TJP1: variants seen among roughly 807,000 people sequenced by gnomAD.
The protein encoded by TJP1 is tight junction protein ZO-1.
A neutral mutation model predicts 194.2 loss-of-function variants in TJP1; 43 were observed. The ratio of observed to expected loss-of-function variants is 0.22; its 90% CI spans 0.17 to 0.29. The LOEUF (loss-of-function observed/expected upper bound fraction) is 0.29. Ranked by LOEUF, TJP1 falls within the 10% of genes least tolerant of loss-of-function variation. The pLI is 1.00. For missense variants in TJP1, 1,971 were observed against 2,185.7 expected (o/e 0.90, Z 1.96); for synonymous variants, 801 against 779.0 (o/e 1.03, Z -0.47).
At chr15:29,876,463 G>A (rs1315705354) in intron 2 of TJP1, among the ~76,000 whole-genome samples, 7 of 151,980 alleles carry the variant, frequency 4.6e-5, no homozygotes, top group Non-Finnish European at 8.8e-5. Context: ...GGAGGTTGCA[G>A]TGAGCCAAGC....
chr15:29,869,795 CTTTTTTTTTTTTTTTTTT>C (rs11318770), intron 2 of TJP1, among the ~76,000 whole-genome samples: 11 of 56,062 alleles, frequency 2.0e-4, no homozygotes, highest in Non-Finnish European at 3.5e-4. Context: ...TTCTTTCTTT[CTTTTTTTTTTTTTTTTTT>C]TTTTTTTTTT....
At position 29,832,918 on chromosome 15, in the gene TJP1, C is replaced by T. The variant is rs140846718; in HGVS notation, c.307-32216G>A. ...AAGTGGCCAGTGTGTGGAGAGAACACACATCCCTGTGAGAGGCCGCCTAGC... is the reference window on the plus strand; with the variant it reads ...AAGTGGCCAGTGTGTGGAGAGAACATACATCCCTGTGAGAGGCCGCCTAGC... On this transcript the variant is annotated intron_variant, in intron 2 of 28. Coordinates refer to the TJP1 transcript ENST00000356107. 8.3e-4 allele frequency among the ~76,000 whole-genome samples: 126 copies of T among 152,306 alleles called. 1 individual carries two copies. In the East Asian group the frequency reaches 0.021, roughly 25 times the overall value.
At chr15:29,704,419 C>T (rs952649890) in intron 26 of TJP1, 114 bp from the exon 27 acceptor site, 49 of 1,324,602 alleles carry the variant, frequency 3.7e-5, no homozygotes, top group Middle Eastern at 2.1e-4. Context: ...GGAGTTAGTT[C>T]TCTACAGTCG....
At position 29,704,261 on chromosome 15, in the gene TJP1, G is replaced by A. The variant is rs779424333; in HGVS notation, c.5113C>T (p.Leu1705Phe). The A allele has an allele frequency of 1.3e-5, 20 of 1,599,088 alleles. No homozygotes were observed. The highest frequency in any genetic ancestry group is 1.7e-5 in the Non-Finnish European group (20 of 1,173,110). ...SPLVMCGPHGLKFLKPVELRL... is the reference protein window; with the variant it reads ...SPLVMCGPHGFKFLKPVELRL... The stretch of plus-strand genomic sequence containing the variant: ...AGCTCCACAGGCTTCAGGAACTTGA[G>A]GCCATGGGGACCACACATCACCAAA... The change falls in exon 27 of 28, where the codon CTC (leucine) becomes TTC (phenylalanine). Residue 1705 changes from leucine to phenylalanine, a missense_variant. Physicochemically the swap from Leu to Phe is conservative, Grantham distance 22. Coordinates refer to ENST00000614355, the MANE Select transcript of TJP1 (RefSeq NM_001330239.4).
At chr15:29,731,088 T>G in intron 15 of TJP1, 1 of 729,788 alleles carries the variant, frequency 1.4e-6, no homozygotes, top group Admixed American at 2.1e-5. Flanking sequence ...ACTTTTTTTT[T>G]TTTTTTTTTA....
At chr15:29,812,628 C>T (rs1295787816) in intron 1 of TJP1, among the ~76,000 whole-genome samples, 2 of 152,126 alleles carry the variant, frequency 1.3e-5, no homozygotes, top group Non-Finnish European at 2.9e-5. Context: ...TTACAACACA[C>T]GAACATAAAA....
At chr15:29,919,578 G>A (rs4779676) in intron 2 of TJP1, among the ~76,000 whole-genome samples, 26,138 of 152,106 alleles carry the variant, frequency 0.17, 2,432 homozygotes, top group East Asian at 0.34. Context: ...AAAGGGATAG[G>A]GTGTAACCAG....
At chr15:29,739,761 TCA>T in intron 10 of TJP1, among the ~76,000 whole-genome samples, 1 of 151,938 alleles carries the variant, frequency 6.6e-6, no homozygotes, top group Non-Finnish European at 1.5e-5. Context: ...TGGAATCTTA[TCA>T]TTACAGTTTC....
intron 2 of TJP1, among the ~76,000 whole-genome samples, chr15:29,952,928 A>G (rs1452468486): frequency 6.6e-6 from 1 of 152,100 alleles, no homozygotes; most frequent in Non-Finnish European, 1.5e-5. Context: ...ATTCCTATGT[A>G]ATTAGAAGTC....
intron 2 of TJP1, among the ~76,000 whole-genome samples, chr15:29,775,137 G>T (rs1222452259): frequency 6.6e-6 from 1 of 152,132 alleles, no homozygotes; most frequent in East Asian, 1.9e-4. Flanking sequence ...CCACCCATTA[G>T]TTACTCAGTA....
At chr15:29,918,320 C>A (rs933880879) in intron 2 of TJP1, among the ~76,000 whole-genome samples, 1 of 152,280 alleles carries the variant, frequency 6.6e-6, no homozygotes, top group East Asian at 1.9e-4. Flanking sequence ...TATATCCCTG[C>A]TTTCTAGTGA....
At chr15:29,718,198 G>A (rs144507284) in intron 21 of TJP1, 68 bp downstream of exon 21, 50 of 1,591,942 alleles carry the variant, frequency 3.1e-5, no homozygotes, top group Middle Eastern at 3.4e-4. Context: ...ATGTAATGGC[G>A]GAGGGGAGAG....
intron 2 of TJP1, among the ~76,000 whole-genome samples, chr15:29,943,423 T>C (rs1596299721): frequency 6.7e-6 from 1 of 149,594 alleles, no homozygotes; most frequent in South Asian, 2.1e-4. Flanking sequence ...AGGTCAGGAG[T>C]TTGAGACTAG....
chr15:29,855,537 A>T (rs2051813447), intron 2 of TJP1, among the ~76,000 whole-genome samples: 1 of 152,202 alleles, frequency 6.6e-6, no homozygotes, highest in Admixed American at 6.5e-5. Context: ...ATAATTAAAA[A>T]AATAAAGTGA....
Position 29,761,255 on chromosome 15 carries a change from A to G in TJP1, c.894T>C (p.Asp298=). 6.2e-7 allele frequency: 1 copy of G among 1,613,996 alleles called. No individual in the cohort carries two copies. The highest frequency in any genetic ancestry group is 8.5e-7 in the Non-Finnish European group (1 of 1,179,978). ...GCCTATCGTGTGATCGACCAGAATG[A>G]TCTGATGCCAGTGACTGAATTTCTG... ...DISEIQSLAS[D]HSGRSHDRPP... is the part of the protein sequence containing the mutation. Residue 298 remains aspartate, a synonymous_variant, in exon 8 of 28, where the codon GAT becomes GAC. Transcript: ENST00000614355.
In TJP1 at chr15:29,920,308, T is replaced by C. The variant is rs143303367; in HGVS notation, c.306+35924A>G. On this transcript the variant is annotated intron_variant, in intron 2 of 28. Coordinates refer to the TJP1 transcript ENST00000356107. ...GGTTCATGAGAACAGAAGATCTTTTTATTTAGCATTTCACAAAATATAAGG... is the reference window on the plus strand; with the variant it reads ...GGTTCATGAGAACAGAAGATCTTTTCATTTAGCATTTCACAAAATATAAGG... 8.1e-3 allele frequency among the ~76,000 whole-genome samples: 1,229 copies of C among 152,340 alleles called. 14 individuals are homozygous for C. The highest frequency in any genetic ancestry group is 0.027 in the African/African-American group (1,127 of 41,574).
chr15:29,722,538 G>C (rs907243935), intron 18 of TJP1, among the ~76,000 whole-genome samples: 1 of 152,202 alleles, frequency 6.6e-6, no homozygotes, highest in Non-Finnish European at 1.5e-5. Context: ...TGGATGTCCA[G>C]GCAGAAGTCT....
chr15:29,800,476 C>T lies in TJP1; in HGVS notation c.84+170G>A, dbSNP rs1595938579. 2.0e-5 allele frequency: 12 copies of T among 603,290 alleles called. No homozygotes were observed. In the South Asian group the frequency reaches 2.5e-4, roughly 13 times the overall value. The allele number at this position is 603,290 out of a possible 1,614,324, so 37.4% of individuals were successfully genotyped here. A position where few individuals can be genotyped will look rare whatever the true frequency, so the allele number is the denominator to read the frequency against. On this transcript the variant is annotated intron_variant, in intron 2 of 27. Coordinates refer to ENST00000614355, the MANE Select transcript of TJP1 (RefSeq NM_001330239.4). ...AAGGATATATGAAAAAGTAATCATG[C>T]TCACTTTTGACCTTAATAAAAAATT... is the stretch of plus-strand genomic sequence containing the variant.
At chr15:29,894,787 C>A (rs2053425259) in intron 2 of TJP1, among the ~76,000 whole-genome samples, 1 of 152,240 alleles carries the variant, frequency 6.6e-6, no homozygotes, top group Admixed American at 6.5e-5. Context: ...GGTGTATCAA[C>A]ACCCCTACAG....
Sources: allele counts gnomAD v4.1 joint callset (sites outside exome capture counted in the v4.1 genomes callset), GRCh38; gene constraint gnomAD v4.1.1; transcripts MANE v1.5; gene names NCBI Gene and HGNC (gene_info 2026-07-23, HGNC 2026-07-21).